POMP: variants seen among roughly 807,000 people sequenced by gnomAD.
POMP encodes 2510048O06Rik.
Under a neutral mutation model 20.6 loss-of-function variants are expected in POMP, and 12 were observed. That is an observed-to-expected ratio of 0.58 (90% CI 0.37 to 0.94). The LOEUF is 0.94. Among genes scored for constraint, POMP ranks in the 40% least tolerant of loss-of-function variants. The pLI is 0.01. For synonymous variants in POMP, 53 were observed against 55.0 expected (o/e 0.96, Z 0.16); for missense variants, 136 against 161.1 (o/e 0.84, Z 0.84).
rs2137795244 is a variant in POMP, at chr13:28,668,580, T to C, written c.264+6T>C. ...AATTCAAGGCAGTGCAGCAGGTGAG[T>C]TGATGGATCTCTGTTGCATATGTGT... On this transcript the variant is annotated splice_donor_region_variant and intron_variant, in intron 4 of 5. Transcript: ENST00000380842. 1.3e-6 allele frequency: 2 copies of C among 1,572,376 alleles called. No individual in the cohort carries two copies. The highest frequency in any genetic ancestry group is 8.8e-7 in the Non-Finnish European group (1 of 1,142,094).
intron 2 of POMP, among the ~76,000 whole-genome samples, chr13:28,663,088 A>G (rs1158834095): frequency 1.3e-5 from 2 of 151,524 alleles, no homozygotes; most frequent in Non-Finnish European, 2.9e-5. Context: ...ATTGGCTACC[A>G]TTTTTTTTCT....
rs1487866151 is a variant in POMP, at chr13:28,664,699, A to G, written c.162+130A>G. The G allele has an allele frequency of 1.6e-5, 10 of 623,720 alleles. No homozygotes were observed. The East Asian group carries it at 2.9e-4, about 18-fold the overall frequency. The allele number at this position is 623,720 out of a possible 1,614,324, so 38.6% of individuals were successfully genotyped here. On this transcript the variant is annotated intron_variant, in intron 3 of 5. Coordinates refer to ENST00000380842, the MANE Select transcript of POMP (RefSeq NM_015932.6). ...ATGAAGAATATGAGGCGTTATTTTC[A>G]AACCCCTTGTAGGATAGACTTAAAA... is the stretch of plus-strand genomic sequence containing the variant.
At chr13:28,659,237 G>A (rs1320668153) in intron 1 of POMP, 50 bp downstream of exon 1, 3 of 1,568,062 alleles carry the variant, frequency 1.9e-6, no homozygotes, top group African/African-American at 1.4e-5. Flanking sequence ...CGGGACCGTG[G>A]CTCGGCAGAA....
chr13:28,677,830 G>A (rs1884655311), intron 5 of POMP, among the ~76,000 whole-genome samples: 1 of 152,154 alleles, frequency 6.6e-6, no homozygotes, highest in Admixed American at 6.5e-5. Context: ...CTCCTAAACA[G>A]AGGAGTAGAA....
intron 5 of POMP, among the ~76,000 whole-genome samples, chr13:28,676,508 G>A (rs1884631611): frequency 6.6e-6 from 1 of 152,128 alleles, no homozygotes; most frequent in African/African-American, 2.4e-5. Context: ...GTTAACAGTT[G>A]TGTTCCCAGT....
chr13:28,659,515 T>C (rs1220254151), intron 1 of POMP, among the ~76,000 whole-genome samples: 1 of 152,126 alleles, frequency 6.6e-6, no homozygotes, highest in Non-Finnish European at 1.5e-5. Context: ...GCCGTGAAAG[T>C]GCAACGTTCT....
At chr13:28,665,223 T>C (rs1834807215) in intron 3 of POMP, among the ~76,000 whole-genome samples, 1 of 152,182 alleles carries the variant, frequency 6.6e-6, no homozygotes, top group Non-Finnish European at 1.5e-5. Context: ...GATTCTTAAA[T>C]AAACATTTAG....
intron 1 of POMP, 100 bp downstream of exon 1, chr13:28,659,287 C>A: frequency 6.5e-7 from 1 of 1,527,148 alleles, no homozygotes. Flanking sequence ...GTGGCGGCGG[C>A]GGCGGCAGCG....
intron 2 of POMP, 45 bp from the exon 3 acceptor site, chr13:28,664,464 G>A (rs752551435): frequency 7.7e-7 from 1 of 1,300,458 alleles, no homozygotes; most frequent in Admixed American, 1.8e-5. Flanking sequence ...GGTATTGAGT[G>A]ATATTTAATC....
At chr13:28,666,438 C>T (rs539670451) in intron 3 of POMP, among the ~76,000 whole-genome samples, 1 of 152,206 alleles carries the variant, frequency 6.6e-6, no homozygotes, top group African/African-American at 2.4e-5. Flanking sequence ...GAGAAACTGA[C>T]AAATCTGAGT....
chr13:28,677,570 T>C (rs538419978), intron 5 of POMP, among the ~76,000 whole-genome samples: 1 of 152,238 alleles, frequency 6.6e-6, no homozygotes, highest in Non-Finnish European at 1.5e-5. Flanking sequence ...TTTTCTTTCT[T>C]AAGAATTCTT....
intron 4 of POMP, among the ~76,000 whole-genome samples, chr13:28,670,707 C>T (rs529829070): frequency 5.3e-5 from 8 of 152,340 alleles, no homozygotes; most frequent in Admixed American, 2.6e-4. Context: ...ATTTCTCCTA[C>T]TGGTGCAGAT....
intron 5 of POMP, among the ~76,000 whole-genome samples, chr13:28,673,156 C>T (rs565956570): frequency 5.3e-5 from 8 of 151,176 alleles, no homozygotes; most frequent in South Asian, 4.2e-4. Flanking sequence ...CTGCAACTTC[C>T]GCCTCCTGAG....
At position 28,678,303 on chromosome 13, in the gene POMP, C is replaced by G; in HGVS notation, c.*201C>G. 1.7e-6 allele frequency: 1 copy of G among 579,808 alleles called. No homozygotes were observed. Among genetic ancestry groups the G allele is most frequent in the Non-Finnish European group, 3.1e-6 (1 of 325,012 alleles). 35.9% of individuals were successfully genotyped at this position (579,808 alleles called of 1,614,324 possible). ...GCACTAAAGGGAGATCATGTTAAAG[C>G]TCTTAATTTATATTAAAACAGTAGC... On this transcript the variant is annotated 3_prime_UTR_variant, in exon 6 of 6. Transcript: ENST00000380842.
rs774958681 is a variant in POMP, at chr13:28,678,139, G to A, written c.*37G>A. The A allele has an allele frequency of 1.3e-6, 2 of 1,565,310 alleles. No individual in the cohort carries two copies. Among genetic ancestry groups the A allele is most frequent in the East Asian group, 2.2e-5 (1 of 44,626 alleles). On this transcript the variant is annotated 3_prime_UTR_variant, in exon 6 of 6. Transcript: ENST00000380842. ...TCATGGAAACCGAGGGCTGCATCTTGTTTATAGTCATCTTTGTACTGTAAT... is the reference window on the plus strand; with the variant it reads ...TCATGGAAACCGAGGGCTGCATCTTATTTATAGTCATCTTTGTACTGTAAT...
Position 28,662,472 on chromosome 13 carries a change from T to C in POMP, c.66T>C (p.Ser22=). 1.2e-6 allele frequency: 2 copies of C among 1,613,862 alleles called. No homozygotes were observed. The highest frequency in any genetic ancestry group is 1.7e-6 in the Non-Finnish European group (2 of 1,179,762). The change falls in exon 2 of 6, where the codon AGT becomes AGC. Residue 22 remains serine (S), a synonymous_variant. Coordinates refer to ENST00000380842, the MANE Select transcript of POMP (RefSeq NM_015932.6). ...DSIPVTELSA[S]GPFESHDLLR... is the part of the protein sequence containing the mutation. ...TTCCAGTTACTGAACTTTCAGCAAGTGGACCTTTTGAAAGTCATGATCTTC... is the reference window on the plus strand; with the variant it reads ...TTCCAGTTACTGAACTTTCAGCAAGCGGACCTTTTGAAAGTCATGATCTTC...
At position 28,678,884 on chromosome 13, in the gene POMP, TTTACAA is replaced by T. The variant is rs1185426068; in HGVS notation, c.*786_*791del. ...TAGAACATTAGTGAATGGATCATCT[TTTACAA>T]TTAAAAGTATATTTTGATTATCAGT... On this transcript the variant is annotated 3_prime_UTR_variant, in exon 6 of 6. Coordinates refer to ENST00000380842, the MANE Select transcript of POMP (RefSeq NM_015932.6). 3 of 152,242 alleles carry T rather than the reference TTTACAA, an allele frequency of 2.0e-5. No homozygotes were observed. The highest frequency in any genetic ancestry group is 2.9e-5 in the Non-Finnish European group (2 of 68,038). The allele number at this position is 152,242 out of a possible 1,614,324, so 9.4% of individuals were successfully genotyped here.
intron 5 of POMP, among the ~76,000 whole-genome samples, chr13:28,672,666 G>T (rs1884570554): frequency 6.6e-6 from 1 of 152,140 alleles, no homozygotes; most frequent in Non-Finnish European, 1.5e-5. Flanking sequence ...GGAGGCCGGG[G>T]TGGGCAGATC....
chr13:28,660,947 G>T (rs1050310429), intron 1 of POMP, among the ~76,000 whole-genome samples: 10 of 152,196 alleles, frequency 6.6e-5, no homozygotes, highest in African/African-American at 2.2e-4. Flanking sequence ...ATCCATGTGT[G>T]ATAGGCTGGG....
Sources: gnomAD v4.1 joint callset for allele counts (sites outside exome capture counted in the v4.1 genomes callset) on GRCh38, gnomAD v4.1.1 for gene constraint, MANE v1.5 for transcripts, NCBI Gene and HGNC (gene_info 2026-07-23, HGNC 2026-07-21) for gene names.